Variants in TBC1D22A observed in about 807,000 individuals in gnomAD.
TBC1D22A encodes putative GTPase activator.
Under a neutral mutation model 60.2 loss-of-function variants are expected in TBC1D22A, and 38 were observed. That is an observed-to-expected ratio of 0.63 (90% CI 0.49 to 0.83). The LOEUF (loss-of-function observed/expected upper bound fraction) is 0.83. Among genes scored for constraint, TBC1D22A ranks in the 40% least tolerant of loss-of-function variants. The pLI is 0.00. For missense variants in TBC1D22A, 628 were observed against 701.0 expected (o/e 0.90, Z 1.18); for synonymous variants, 302 against 281.7 (o/e 1.07, Z -0.72).
intron 10 of TBC1D22A, among the ~76,000 whole-genome samples, chr22:47,017,333 CA>C (rs2061943199): frequency 1.3e-5 from 2 of 152,176 alleles, no homozygotes; most frequent in African/African-American, 4.8e-5. Flanking sequence ...CACACATGAC[CA>C]GGTAGTAAGC....
At chr22:46,803,825 G>GCTTGCACAGT (rs1340501799) in intron 4 of TBC1D22A, among the ~76,000 whole-genome samples, 1 of 152,208 alleles carries the variant, frequency 6.6e-6, no homozygotes, top group Admixed American at 6.5e-5. Context: ...ACAAACTCCA[G>GCTTGCACAGT]CTTGCACAGT....
intron 4 of TBC1D22A, among the ~76,000 whole-genome samples, chr22:46,854,228 A>G (rs375119579): frequency 6.6e-6 from 1 of 152,324 alleles, no homozygotes; most frequent in African/African-American, 2.4e-5. Flanking sequence ...TAGGAAAATC[A>G]TGGACGTGGT....
chr22:46,938,732 C>T (rs1474687523), intron 8 of TBC1D22A, among the ~76,000 whole-genome samples: 1 of 151,814 alleles, frequency 6.6e-6, no homozygotes, highest in African/African-American at 2.4e-5. Context: ...ATTACAGGCA[C>T]CTGCCACCAT....
intron 11 of TBC1D22A, among the ~76,000 whole-genome samples, chr22:47,068,167 G>A (rs923849352): frequency 6.6e-5 from 10 of 152,250 alleles, no homozygotes; most frequent in Admixed American, 2.0e-4. Context: ...AGACCTTGTG[G>A]GCAGAAGTCT....
chr22:46,978,695 C>G (rs150086343), intron 9 of TBC1D22A, among the ~76,000 whole-genome samples: 2 of 152,124 alleles, frequency 1.3e-5, no homozygotes, highest in Non-Finnish European at 2.9e-5. Context: ...CTGCAACCTC[C>G]GCCTCCCAGG....
In TBC1D22A at chr22:46,991,725, C is replaced by T. The variant is rs117749086; in HGVS notation, c.1126-5909C>T. ...GCCTCCATTTGCATTTCATTACCTG[C>T]GTTTGAGAGCATTGCCTGGGTCTCA... On this transcript the variant is annotated intron_variant, in intron 9 of 12. Transcript: ENST00000337137. Among the ~76,000 whole-genome samples, 59 of 152,310 alleles carry T rather than the reference C, an allele frequency of 3.9e-4. No individual in the cohort carries two copies. The East Asian group carries it at 0.011, about 28-fold the overall frequency.
At chr22:46,867,824 G>C (rs911067221) in intron 4 of TBC1D22A, among the ~76,000 whole-genome samples, 1 of 152,230 alleles carries the variant, frequency 6.6e-6, no homozygotes, top group Admixed American at 6.5e-5. Flanking sequence ...GACAGAAACT[G>C]TTGCTAATAA....
chr22:46,844,391 CT>C (rs2086902247), intron 4 of TBC1D22A, among the ~76,000 whole-genome samples: 1 of 152,180 alleles, frequency 6.6e-6, no homozygotes, highest in African/African-American at 2.4e-5. Context: ...CTGGGCAGCC[CT>C]GTCTCCCTCT....
intron 4 of TBC1D22A, among the ~76,000 whole-genome samples, chr22:46,870,541 C>T (rs1225899198): frequency 3.9e-5 from 6 of 152,188 alleles, no homozygotes; most frequent in South Asian, 2.1e-4. Flanking sequence ...TACTGCCTGA[C>T]TGTGTGAAAA....
At chr22:46,926,262 T>TA (rs1260942880) in intron 8 of TBC1D22A, among the ~76,000 whole-genome samples, 2 of 151,438 alleles carry the variant, frequency 1.3e-5, no homozygotes, top group Non-Finnish European at 2.9e-5. Context: ...AAAAGAAGGG[T>TA]AAAATAAAGC....
chr22:47,072,842 T>G (rs1488032005), intron 11 of TBC1D22A, among the ~76,000 whole-genome samples: 1 of 152,228 alleles, frequency 6.6e-6, no homozygotes, highest in Non-Finnish European at 1.5e-5. Flanking sequence ...ATGGTCTTGT[T>G]CATCAGACCT....
chr22:47,034,073 C>T (rs1318597773), intron 10 of TBC1D22A, among the ~76,000 whole-genome samples: 3 of 152,188 alleles, frequency 2.0e-5, no homozygotes, highest in African/African-American at 7.2e-5. Context: ...TGCCGCGCTG[C>T]CCTTTACTTA....
chr22:46,939,928 T>A (rs138042203), intron 8 of TBC1D22A, among the ~76,000 whole-genome samples: 1 of 152,280 alleles, frequency 6.6e-6, no homozygotes, highest in Non-Finnish European at 1.5e-5. Flanking sequence ...GTCATGACAG[T>A]TGATGAGCAG....
chr22:46,893,379 A>G (rs1348588253), intron 6 of TBC1D22A, among the ~76,000 whole-genome samples: 2 of 151,996 alleles, frequency 1.3e-5, no homozygotes, highest in Non-Finnish European at 1.5e-5. Flanking sequence ...ACAGAGCCCC[A>G]CCTGCCCAGC....
chr22:47,016,259 G>A (rs979320718), intron 10 of TBC1D22A, among the ~76,000 whole-genome samples: 1 of 152,096 alleles, frequency 6.6e-6, no homozygotes. Context: ...TGTCACACTT[G>A]GTGACCTGTC....
chr22:47,005,618 C>CG (rs148806039), intron 10 of TBC1D22A, among the ~76,000 whole-genome samples: 4,455 of 62,278 alleles, frequency 0.072, 107 homozygotes, highest in African/African-American at 0.24. Context: ...TACTCACATA[C>CG]CCCCTACAAA....
chr22:46,801,957 C>T (rs1350466334), intron 4 of TBC1D22A, among the ~76,000 whole-genome samples: 3 of 152,238 alleles, frequency 2.0e-5, no homozygotes, highest in Non-Finnish European at 4.4e-5. Flanking sequence ...CCTTGGTGTC[C>T]GTGGCTCTAG....
chr22:47,109,346 C>A (rs1047099306), intron 11 of TBC1D22A, among the ~76,000 whole-genome samples: 1 of 152,128 alleles, frequency 6.6e-6, no homozygotes, highest in African/African-American at 2.4e-5. Context: ...ACAAAAAAAA[C>A]CAGTCAGGAT....
At chr22:46,839,927 G>A (rs1001519877) in intron 4 of TBC1D22A, among the ~76,000 whole-genome samples, 1 of 152,104 alleles carries the variant, frequency 6.6e-6, no homozygotes, top group African/African-American at 2.4e-5. Context: ...CTTAACTCAC[G>A]GCATATACAA....
Sources: allele counts gnomAD v4.1 joint callset (sites outside exome capture counted in the v4.1 genomes callset), GRCh38; gene constraint gnomAD v4.1.1; transcripts MANE v1.5; gene names NCBI Gene and HGNC (gene_info 2026-07-23, HGNC 2026-07-21).